The following MACROD2 variants were observed in gnomAD, a reference collection of about 807,000 sequenced individuals.
MACROD2 encodes the protein ADP-ribose glycohydrolase MACROD2.
A neutral mutation model predicts 70.4 loss-of-function variants in MACROD2; 36 were observed. The ratio of observed to expected loss-of-function variants is 0.51; its 90% CI spans 0.39 to 0.68. MACROD2 has a LOEUF of 0.68. Among genes scored for constraint, MACROD2 ranks in the 30% least tolerant of loss-of-function variants. The pLI is 0.00. For synonymous variants in MACROD2, 172 were observed against 178.8 expected (o/e 0.96, Z 0.30); for missense variants, 496 against 538.4 (o/e 0.92, Z 0.78).
At chr20:14,982,544 G>A (rs1401519446) in intron 5 of MACROD2, among the ~76,000 whole-genome samples, 1 of 152,134 alleles carries the variant, frequency 6.6e-6, no homozygotes, top group South Asian at 2.1e-4. Context: ...CTAGGGACTT[G>A]GTGCCCTACA....
chr20:15,419,757 C>T (rs1047260596), intron 6 of MACROD2, among the ~76,000 whole-genome samples: 4 of 152,204 alleles, frequency 2.6e-5, no homozygotes, highest in African/African-American at 2.4e-5. Flanking sequence ...CTTCCCGCCT[C>T]TTAGTGCCAG....
In MACROD2 at chr20:14,544,919, A is replaced by G. The variant is rs537943121; in HGVS notation, c.301+51411A>G. On this transcript the variant is annotated intron_variant, in intron 4 of 17. Coordinates refer to ENST00000684519, the MANE Select transcript of MACROD2 (RefSeq NM_001351661.2). ...TTGCATAGGCAGAGTGGTGTTTGGCAGGCAGAGAAGCTTTCAGGCAATGAA... is the reference window on the plus strand; with the variant it reads ...TTGCATAGGCAGAGTGGTGTTTGGCGGGCAGAGAAGCTTTCAGGCAATGAA... Among the ~76,000 whole-genome samples, 6 of 152,288 alleles carry G rather than the reference A, an allele frequency of 3.9e-5. No homozygotes were observed. In the South Asian group the frequency reaches 1.2e-3, roughly 32 times the overall value.
chr20:14,438,160 A>G (rs2084080256), intron 3 of MACROD2, among the ~76,000 whole-genome samples: 1 of 152,196 alleles, frequency 6.6e-6, no homozygotes, highest in South Asian at 2.1e-4. Context: ...AAGTAAGATC[A>G]TGCAATATTT....
At chr20:14,322,435 T>C (rs2082672728) in intron 3 of MACROD2, among the ~76,000 whole-genome samples, 1 of 139,444 alleles carries the variant, frequency 7.2e-6, no homozygotes, top group African/African-American at 2.6e-5. Context: ...TTTTATAAAC[T>C]ACAGGTTTAC....
intron 15 of MACROD2, among the ~76,000 whole-genome samples, chr20:16,001,269 C>T (rs2066705261): frequency 6.6e-6 from 1 of 152,104 alleles, no homozygotes; most frequent in Non-Finnish European, 1.5e-5. Context: ...TGAGGATTTA[C>T]CTTTCAATGT....
chr20:14,574,096 A>G lies in MACROD2; in HGVS notation c.301+80588A>G, dbSNP rs531891401. Among the ~76,000 whole-genome samples the G allele has an allele frequency of 2.6e-5, 4 of 152,290 alleles. No individual in the cohort carries two copies. In the East Asian group the frequency reaches 7.7e-4, roughly 29 times the overall value. ...AGGCATAGAGATAATCAAGAACGAC[A>G]CTGCTGCCTGTGAGACAGTGCCGTT... On this transcript the variant is annotated intron_variant, in intron 4 of 17. Transcript: ENST00000684519.
chr20:14,276,729 A>C (rs932898450), intron 3 of MACROD2, among the ~76,000 whole-genome samples: 6 of 152,114 alleles, frequency 3.9e-5, no homozygotes, highest in Middle Eastern at 3.2e-3. Context: ...CTGAGACCCT[A>C]ACATACTACC....
intron 8 of MACROD2, among the ~76,000 whole-genome samples, chr20:15,813,849 A>T (rs1421913586): frequency 6.6e-6 from 1 of 152,244 alleles, no homozygotes; most frequent in Non-Finnish European, 1.5e-5. Flanking sequence ...ACATGTGTAC[A>T]TAGGGAAGAA....
chr20:15,200,178 G>A (rs1259023939), intron 5 of MACROD2, among the ~76,000 whole-genome samples: 4 of 152,072 alleles, frequency 2.6e-5, no homozygotes, highest in African/African-American at 7.2e-5. Context: ...AGTTGAAGAA[G>A]AAAAAAACTG....
chr20:14,225,043 AG>A (rs1752967653), intron 3 of MACROD2, among the ~76,000 whole-genome samples: 1 of 152,184 alleles, frequency 6.6e-6, no homozygotes, highest in Non-Finnish European at 1.5e-5. Context: ...GTTTGGGGGA[AG>A]TTTCTTTCAG....
chr20:14,097,202 T>C (rs1027146031), intron 3 of MACROD2, among the ~76,000 whole-genome samples: 8 of 152,210 alleles, frequency 5.3e-5, no homozygotes, highest in African/African-American at 1.9e-4. Flanking sequence ...ACTAGGTCCT[T>C]GTATAGTCTT....
chr20:15,242,985 A>G (rs2146009408), intron 6 of MACROD2, among the ~76,000 whole-genome samples: 1 of 152,288 alleles, frequency 6.6e-6, no homozygotes, highest in East Asian at 1.9e-4. Flanking sequence ...TGGTGACCCT[A>G]CTGGGAGCTC....
At chr20:15,168,289 T>G (rs902687147) in intron 5 of MACROD2, among the ~76,000 whole-genome samples, 2 of 152,144 alleles carry the variant, frequency 1.3e-5, no homozygotes, top group African/African-American at 2.4e-5. Flanking sequence ...GTAAGTCACT[T>G]ACTTTCCCTG....
intron 5 of MACROD2, among the ~76,000 whole-genome samples, chr20:15,087,319 T>G (rs2075756325): frequency 6.6e-6 from 1 of 152,048 alleles, no homozygotes; most frequent in African/African-American, 2.4e-5. Context: ...TTAAAACTTC[T>G]TTCAAAGCTA....
chr20:15,693,196 C>A (rs6110742), intron 8 of MACROD2, among the ~76,000 whole-genome samples: 2 of 151,882 alleles, frequency 1.3e-5, no homozygotes, highest in East Asian at 3.9e-4. Flanking sequence ...AGCTTGAAAC[C>A]CTCTTCTCTT....
chr20:14,501,343 T>C (rs2123123251), intron 4 of MACROD2, among the ~76,000 whole-genome samples: 1 of 152,254 alleles, frequency 6.6e-6, no homozygotes, highest in African/African-American at 2.4e-5. Flanking sequence ...TAACCAGTTA[T>C]ATCATTCTCC....
chr20:14,884,557 C>T (rs77452089), intron 5 of MACROD2: 1 of 152,124 alleles, frequency 6.6e-6, no homozygotes, highest in African/African-American at 2.4e-5. Context: ...AAAGAAGTCA[C>T]AAATTCTGCC....
In MACROD2 at chr20:14,018,903, G is replaced by A. The variant is rs534949704; in HGVS notation, c.163+16499G>A. Among the ~76,000 whole-genome samples the A allele has an allele frequency of 1.1e-4, 17 of 152,264 alleles. No individual in the cohort carries two copies. In the South Asian group the frequency reaches 3.3e-3, roughly 30 times the overall value. ...AGCAAGGAGAGAGGAGGCAGTGCTC[G>A]AATCTGTCTCCTTAAGCTAGGGTCT... On this transcript the variant is annotated intron_variant, in intron 2 of 17. Coordinates refer to ENST00000684519, the MANE Select transcript of MACROD2 (RefSeq NM_001351661.2).
At chr20:14,854,325 C>A (rs190130320) in intron 5 of MACROD2, among the ~76,000 whole-genome samples, 1 of 152,194 alleles carries the variant, frequency 6.6e-6, no homozygotes, top group East Asian at 1.9e-4. Context: ...CTTGAATTTG[C>A]TTTATAAAAA....
Sources: allele counts gnomAD v4.1 joint callset (sites outside exome capture counted in the v4.1 genomes callset), GRCh38; gene constraint gnomAD v4.1.1; transcripts MANE v1.5; gene names NCBI Gene and HGNC (gene_info 2026-07-23, HGNC 2026-07-21).